Variants in MOB3B observed in about 807,000 individuals in gnomAD.
MOB3B encodes MOB kinase activator 3B.
Under a neutral mutation model 18.7 loss-of-function variants are expected in MOB3B, and 7 were observed. The ratio of observed to expected loss-of-function variants is 0.37; its 90% CI spans 0.21 to 0.70. The LOEUF (loss-of-function observed/expected upper bound fraction) is 0.70. Ranked by LOEUF, MOB3B falls within the 30% of genes least tolerant of loss-of-function variation. The pLI is 0.52. For missense variants in MOB3B, 253 were observed against 281.3 expected, an observed-to-expected ratio of 0.90 and a Z score of 0.72; for synonymous variants, 111 against 99.9, an observed-to-expected ratio of 1.11 and a Z score of -0.66.
chr9:27,378,967 T>C (rs1263856605), intron 2 of MOB3B, among the ~76,000 whole-genome samples: 3 of 152,226 alleles, frequency 2.0e-5, no homozygotes, highest in Non-Finnish European at 1.5e-5. Context: ...TGCTCTGTTC[T>C]GCCTCCTCAG....
chr9:27,344,283 G>A (rs1324031293), intron 3 of MOB3B, among the ~76,000 whole-genome samples: 1 of 152,218 alleles, frequency 6.6e-6, no homozygotes, highest in Non-Finnish European at 1.5e-5. Context: ...GTGCTTGTGT[G>A]TGTAATGTGT....
intron 1 of MOB3B, among the ~76,000 whole-genome samples, chr9:27,466,549 T>C (rs1819385567): frequency 6.6e-6 from 1 of 152,150 alleles, no homozygotes; most frequent in Non-Finnish European, 1.5e-5. Flanking sequence ...ATTTACTATA[T>C]TTGTCCATTT....
At chr9:27,432,865 T>C (rs151282011) in intron 2 of MOB3B, among the ~76,000 whole-genome samples, 1 of 152,166 alleles carries the variant, frequency 6.6e-6, no homozygotes, top group East Asian at 1.9e-4. Context: ...AAGGATGACA[T>C]GAAAAGAAGA....
intron 1 of MOB3B, among the ~76,000 whole-genome samples, chr9:27,465,121 G>T (rs1164911123): frequency 6.6e-6 from 1 of 152,148 alleles, no homozygotes; most frequent in African/African-American, 2.4e-5. Flanking sequence ...AGTCTCATCT[G>T]AGACAAGGCA....
At chr9:27,498,843 A>T (rs1819942643) in intron 1 of MOB3B, among the ~76,000 whole-genome samples, 1 of 152,184 alleles carries the variant, frequency 6.6e-6, no homozygotes, top group Non-Finnish European at 1.5e-5. Context: ...TTTTAGGTGA[A>T]ATCTGTATTT....
chr9:27,523,952 G>T (rs1318902204), intron 1 of MOB3B, among the ~76,000 whole-genome samples: 1 of 151,820 alleles, frequency 6.6e-6, no homozygotes. Context: ...ATAGATTTGG[G>T]TGAGTGAGTG....
intron 1 of MOB3B, among the ~76,000 whole-genome samples, chr9:27,481,100 C>A (rs1819641828): frequency 6.6e-6 from 1 of 152,092 alleles, no homozygotes; most frequent in Non-Finnish European, 1.5e-5. Context: ...CTAGGCTAAT[C>A]TCTGAAAGAA....
rs1820493987 is a variant in MOB3B at position 27,529,295 on chromosome 9, G to A, written c.-199+260C>T. 2.6e-5 allele frequency among the ~76,000 whole-genome samples: 4 copies of A among 152,208 alleles called. No individual in the cohort carries two copies. The South Asian group carries it at 8.3e-4, about 32-fold the overall frequency. On this transcript the variant is annotated intron_variant, in intron 1 of 3. Coordinates refer to ENST00000262244, the MANE Select transcript of MOB3B (RefSeq NM_024761.5). ...AAGGACAAATCAAGATCCCGGGGTG[G>A]AAAGTGGGCGACCCTTGTTCCTGCC...
chr9:27,444,985 G>A (rs375138250), intron 2 of MOB3B, among the ~76,000 whole-genome samples: 2 of 152,110 alleles, frequency 1.3e-5, no homozygotes, highest in African/African-American at 4.8e-5. Flanking sequence ...ATATTCTAAT[G>A]GATGTAAAAA....
At chr9:27,442,624 CCT>C (rs1250568073) in intron 2 of MOB3B, among the ~76,000 whole-genome samples, 1 of 152,168 alleles carries the variant, frequency 6.6e-6, no homozygotes, top group Non-Finnish European at 1.5e-5. Flanking sequence ...CTCCAAGGGA[CCT>C]CCCCTCTTTG....
chr9:27,376,945 G>C (rs143159235), intron 2 of MOB3B, among the ~76,000 whole-genome samples: 22 of 152,340 alleles, frequency 1.4e-4, no homozygotes, highest in Admixed American at 7.2e-4. Flanking sequence ...TCTGGCTGAA[G>C]ATTTACAGAA....
intron 2 of MOB3B, chr9:27,396,900 A>T (rs915818261): frequency 6.6e-6 from 1 of 152,260 alleles, no homozygotes; most frequent in Non-Finnish European, 1.5e-5. Flanking sequence ...TACAGTAAGG[A>T]AAAAGGAGGA....
intron 3 of MOB3B, among the ~76,000 whole-genome samples, chr9:27,356,602 G>A (rs976609428): frequency 2.0e-5 from 3 of 152,152 alleles, no homozygotes; most frequent in African/African-American, 4.8e-5. Context: ...CAGCTCTGTC[G>A]TGGTGTTTCT....
At chr9:27,376,193 C>G (rs1172556919) in intron 2 of MOB3B, among the ~76,000 whole-genome samples, 1 of 152,194 alleles carries the variant, frequency 6.6e-6, no homozygotes, top group Non-Finnish European at 1.5e-5. Context: ...AACCATCACA[C>G]AGACTCAGCA....
chr9:27,386,087 T>C (rs1261438131), intron 2 of MOB3B, among the ~76,000 whole-genome samples: 3 of 152,244 alleles, frequency 2.0e-5, no homozygotes, highest in Admixed American at 6.5e-5. Context: ...GGGCTTATGA[T>C]AGTCATAGGC....
chr9:27,413,932 CT>C (rs1822110528), intron 2 of MOB3B, among the ~76,000 whole-genome samples: 1 of 152,180 alleles, frequency 6.6e-6, no homozygotes, highest in Admixed American at 6.5e-5. Flanking sequence ...AAAGAGCTTT[CT>C]TTGAGGTATC....
intron 2 of MOB3B, among the ~76,000 whole-genome samples, chr9:27,362,869 C>T (rs573210266): frequency 5.9e-5 from 9 of 152,358 alleles, no homozygotes; most frequent in Non-Finnish European, 1.3e-4. Context: ...TTCTGCCTTA[C>T]AGACGTCCAG....
intron 2 of MOB3B, among the ~76,000 whole-genome samples, chr9:27,414,741 G>A (rs1822120662): frequency 6.6e-6 from 1 of 152,154 alleles, no homozygotes; most frequent in African/African-American, 2.4e-5. Flanking sequence ...TAAGTCAAAT[G>A]CATGCAGGCC....
intron 1 of MOB3B, among the ~76,000 whole-genome samples, chr9:27,482,733 G>C (rs1366253615): frequency 1.3e-5 from 2 of 152,180 alleles, no homozygotes; most frequent in African/African-American, 4.8e-5. Flanking sequence ...AGTTGCTTGA[G>C]GTTCCTGACA....
Sources: gnomAD v4.1 joint callset for allele counts (sites outside exome capture counted in the v4.1 genomes callset) on GRCh38, gnomAD v4.1.1 for gene constraint, MANE v1.5 for transcripts, NCBI Gene and HGNC (gene_info 2026-07-23, HGNC 2026-07-21) for gene names.